MCTP2: variants seen among roughly 807,000 people sequenced by gnomAD.
MCTP2 encodes the protein multiple C2 and transmembrane domain containing 2.
A neutral mutation model predicts 111.6 loss-of-function variants in MCTP2; 132 were observed. The ratio of observed to expected loss-of-function variants is 1.18; its 90% CI spans 1.03 to 1.37. MCTP2 has a LOEUF of 1.37. Ranked by LOEUF, MCTP2 falls within the 40% of genes most tolerant of loss-of-function variation. MCTP2 has a pLI of 0.00. For missense variants in MCTP2, 1,183 were observed against 1,067.9 expected, an observed-to-expected ratio of 1.11 and a Z score of -1.50; for synonymous variants, 395 against 387.7, an observed-to-expected ratio of 1.02 and a Z score of -0.22.
At chr15:94,360,410 C>A (rs2078866739) in intron 10 of MCTP2, among the ~76,000 whole-genome samples, 1 of 152,194 alleles carries the variant, frequency 6.6e-6, no homozygotes, top group Non-Finnish European at 1.5e-5. Context: ...CTCAGTGTGT[C>A]TGACGTTGTC....
chr15:94,356,188 C>G lies in MCTP2; in HGVS notation c.1057C>G (p.Leu353Val). 1 of 1,613,126 alleles carries G rather than the reference C, an allele frequency of 6.2e-7. No individual in the cohort carries two copies. Among genetic ancestry groups the G allele is most frequent in the South Asian group, 1.1e-5 (1 of 90,922 alleles). Reference sequence around the variant, plus strand: ...CTCTGAGTCCTTGAAAAAGAACCAACTCTGGAACGGGATTATAAGTATAAC... The same window carrying G: ...CTCTGAGTCCTTGAAAAAGAACCAAGTCTGGAACGGGATTATAAGTATAAC... ...RLSESLKKNQLWNGIISITLL... is the reference protein window; with the variant it reads ...RLSESLKKNQVWNGIISITLL... Residue 353 changes from leucine to valine, a missense_variant, in exon 9 of 23, where the codon CTC becomes GTC. Leu to Val is a conservative substitution (Grantham distance 32). Coordinates refer to ENST00000357742, the MANE Select transcript of MCTP2 (RefSeq NM_001385001.1).
chr15:94,243,750 C>T (rs565701344), intron 1 of MCTP2, among the ~76,000 whole-genome samples: 2 of 143,984 alleles, frequency 1.4e-5, no homozygotes, highest in Non-Finnish European at 3.0e-5. Flanking sequence ...TATATGTATA[C>T]ACATGCATAT....
At chr15:94,400,053 G>C (rs1239674694) in intron 16 of MCTP2, 58 bp downstream of exon 16, 7 of 1,415,990 alleles carry the variant, frequency 4.9e-6, no homozygotes, top group Admixed American at 1.7e-5. Context: ...AGCAGCTGAA[G>C]TATTAACACT....
intron 11 of MCTP2, among the ~76,000 whole-genome samples, chr15:94,368,334 T>C (rs2079307970): frequency 6.6e-6 from 1 of 152,228 alleles, no homozygotes; most frequent in African/African-American, 2.4e-5. Flanking sequence ...AACAGTCCAC[T>C]CAGCATTTTT....
chr15:94,452,947 A>G (rs1035953316), intron 19 of MCTP2, among the ~76,000 whole-genome samples: 1 of 143,452 alleles, frequency 7.0e-6, no homozygotes, highest in African/African-American at 2.7e-5. Flanking sequence ...CACGTGAAAA[A>G]ACTTTGTTTG....
In MCTP2 at chr15:94,480,348, A is replaced by C. The variant is rs2074666693; in HGVS notation, c.*1314A>C. On this transcript the variant is annotated 3_prime_UTR_variant, in exon 23 of 23. Transcript: ENST00000357742. Reference sequence around the variant, plus strand: ...TTTTTTTTTTTTGTCTCTGGGTTGTAATTTAATAATCTTCAAACAAAATGT... The same window carrying C: ...TTTTTTTTTTTTGTCTCTGGGTTGTCATTTAATAATCTTCAAACAAAATGT... The C allele has an allele frequency of 6.6e-6, 1 of 151,198 alleles. No homozygotes were observed. Among genetic ancestry groups the C allele is most frequent in the Admixed American group, 6.6e-5 (1 of 15,204 alleles). The allele number at this position is 151,198 out of a possible 1,614,324, so 9.4% of individuals were successfully genotyped here. A position where few individuals can be genotyped will look rare whatever the true frequency, so the allele number is the denominator to read the frequency against.
chr15:94,248,945 G>T (rs1318477935), intron 1 of MCTP2, among the ~76,000 whole-genome samples: 1 of 152,144 alleles, frequency 6.6e-6, no homozygotes, highest in Non-Finnish European at 1.5e-5. Context: ...TGGTAATACA[G>T]AATTATACCT....
intron 1 of MCTP2, among the ~76,000 whole-genome samples, chr15:94,255,155 T>G (rs1419249512): frequency 2.6e-5 from 4 of 152,212 alleles, no homozygotes; most frequent in Non-Finnish European, 4.4e-5. Flanking sequence ...AACACTTTGA[T>G]CATATAACTA....
chr15:94,269,096 CATTT>C (rs1401462843), intron 1 of MCTP2, among the ~76,000 whole-genome samples: 2 of 152,194 alleles, frequency 1.3e-5, no homozygotes, highest in East Asian at 3.9e-4. Flanking sequence ...CAACAATGTT[CATTT>C]GTCTTTCACA....
intron 19 of MCTP2, among the ~76,000 whole-genome samples, chr15:94,445,511 G>A (rs1465424034): frequency 2.0e-5 from 3 of 152,100 alleles, no homozygotes; most frequent in Non-Finnish European, 4.4e-5. Context: ...TTCTGTAAGG[G>A]ATTTGTAAAC....
At chr15:94,330,625 G>A (rs11854853) in intron 4 of MCTP2, among the ~76,000 whole-genome samples, 5,617 of 151,764 alleles carry the variant, frequency 0.037, 344 homozygotes, top group African/African-American at 0.13. Context: ...CTTTACATGG[G>A]GCCCTCGTTT....
At chr15:94,247,645 C>A (rs956410682) in intron 1 of MCTP2, among the ~76,000 whole-genome samples, 9 of 152,120 alleles carry the variant, frequency 5.9e-5, no homozygotes, top group Admixed American at 2.6e-4. Context: ...ATAGTTTACT[C>A]CCTGACCTTC....
intron 17 of MCTP2, among the ~76,000 whole-genome samples, chr15:94,432,732 T>C (rs1207752431): frequency 6.6e-6 from 1 of 152,226 alleles, no homozygotes; most frequent in East Asian, 1.9e-4. Context: ...AGCAATGTTT[T>C]TGAGAATTAT....
At chr15:94,294,391 A>G (rs1413318770) in intron 1 of MCTP2, among the ~76,000 whole-genome samples, 1 of 152,188 alleles carries the variant, frequency 6.6e-6, no homozygotes, top group African/African-American at 2.4e-5. Context: ...TCATTTCTTA[A>G]CAAAACAAAG....
intron 4 of MCTP2, among the ~76,000 whole-genome samples, 182 bp downstream of exon 4, chr15:94,315,819 T>A (rs1264907232): frequency 6.6e-6 from 1 of 152,238 alleles, no homozygotes; most frequent in African/African-American, 2.4e-5. Context: ...TAAACCTTAC[T>A]ATCCTTCTTT....
intron 2 of MCTP2, among the ~76,000 whole-genome samples, chr15:94,313,707 A>C (rs541219242): frequency 2.5e-4 from 38 of 152,166 alleles, no homozygotes; most frequent in Admixed American, 4.6e-4. Context: ...TCTAAAAAAA[A>C]AAACAAACAA....
intron 7 of MCTP2, chr15:94,342,104 A>G (rs2077674837): frequency 6.6e-6 from 1 of 152,132 alleles, no homozygotes; most frequent in Admixed American, 6.5e-5. Flanking sequence ...GCCAGCTGAT[A>G]TCGTCAAAAA....
At chr15:94,260,121 C>T (rs1269039918) in intron 1 of MCTP2, among the ~76,000 whole-genome samples, 2 of 152,196 alleles carry the variant, frequency 1.3e-5, no homozygotes, top group Admixed American at 6.5e-5. Flanking sequence ...TGTCTTCTCA[C>T]TTCTGTTTTC....
At chr15:94,458,919 A>T (rs1345965015) in intron 20 of MCTP2, among the ~76,000 whole-genome samples, 5 of 152,222 alleles carry the variant, frequency 3.3e-5, no homozygotes, top group Non-Finnish European at 7.3e-5. Flanking sequence ...TAAACAGGTA[A>T]CATGCTGGAT....
Sources: gnomAD v4.1 joint callset for allele counts (sites outside exome capture counted in the v4.1 genomes callset) on GRCh38, gnomAD v4.1.1 for gene constraint, MANE v1.5 for transcripts, NCBI Gene and HGNC (gene_info 2026-07-23, HGNC 2026-07-21) for gene names.